Variants in DYM observed in about 807,000 individuals in gnomAD.
DYM encodes the protein dymeclin.
A neutral mutation model predicts 93.1 loss-of-function variants in DYM; 78 were observed. The ratio of observed to expected loss-of-function variants is 0.84; its 90% CI spans 0.70 to 1.01. DYM has a LOEUF of 1.01. DYM is among the 50% of genes least tolerant of loss of function. The pLI is 0.00. For synonymous variants in DYM, 321 were observed against 319.7 expected (o/e 1.00, Z -0.04); for missense variants, 789 against 845.0 (o/e 0.93, Z 0.82).
chr18:49,142,064 T>C (rs2084568652), intron 15 of DYM, among the ~76,000 whole-genome samples: 1 of 151,244 alleles, frequency 6.6e-6, no homozygotes, highest in East Asian at 1.9e-4. Flanking sequence ...GGTTTCACCA[T>C]GTTTGCCAGG....
intron 14 of DYM, among the ~76,000 whole-genome samples, chr18:49,190,625 G>A (rs531876800): frequency 2.0e-5 from 3 of 152,180 alleles, no homozygotes; most frequent in South Asian, 2.1e-4. Flanking sequence ...ATACAAGAAC[G>A]AACTTAAAAG....
intron 17 of DYM, among the ~76,000 whole-genome samples, chr18:49,051,443 C>T (rs1468779067): frequency 6.6e-6 from 1 of 152,152 alleles, no homozygotes; most frequent in African/African-American, 2.4e-5. Flanking sequence ...CCAATTCTGA[C>T]TAGGTGTGGT....
chr18:49,082,847 C>T (rs1468922733), intron 17 of DYM, among the ~76,000 whole-genome samples: 1 of 152,112 alleles, frequency 6.6e-6, no homozygotes, highest in Non-Finnish European at 1.5e-5. Context: ...TGCTGGGAGC[C>T]GACATTCTTG....
chr18:49,441,276 T>TTATATATATATATATAA (rs1568454725), intron 1 of DYM, among the ~76,000 whole-genome samples: 1 of 43,296 alleles, frequency 2.3e-5, no homozygotes, highest in African/African-American at 9.3e-5. Context: ...ATAATATATA[T>TTATATATATATATATAA]TATATAATTA....
chr18:49,427,217 C>T (rs148818218), intron 2 of DYM, among the ~76,000 whole-genome samples: 3 of 152,278 alleles, frequency 2.0e-5, no homozygotes, highest in African/African-American at 7.2e-5. Context: ...TTTTAAACCT[C>T]ATTTCCAATT....
intron 17 of DYM, among the ~76,000 whole-genome samples, chr18:49,070,487 C>A (rs1346283252): frequency 6.6e-6 from 1 of 152,198 alleles, no homozygotes; most frequent in Admixed American, 6.5e-5. Context: ...GGCCATTCTT[C>A]ATTTCACACT....
intron 11 of DYM, among the ~76,000 whole-genome samples, chr18:49,260,009 T>C (rs1049054252): frequency 6.6e-6 from 1 of 152,210 alleles, no homozygotes; most frequent in African/African-American, 2.4e-5. Context: ...TTCTGATTAG[T>C]ATATCTAGTG....
At chr18:49,113,693 T>G in intron 16 of DYM, among the ~76,000 whole-genome samples, 1 of 152,202 alleles carries the variant, frequency 6.6e-6, no homozygotes. Context: ...AAAGCTTGTT[T>G]AAGCCAAAAT....
chr18:49,195,283 C>G (rs1318871886), intron 14 of DYM, among the ~76,000 whole-genome samples: 2 of 152,132 alleles, frequency 1.3e-5, no homozygotes, highest in Non-Finnish European at 2.9e-5. Context: ...TGCATTATAA[C>G]TGTACATATT....
At chr18:49,260,450 A>C (rs552118697) in intron 11 of DYM, among the ~76,000 whole-genome samples, 15 of 152,242 alleles carry the variant, frequency 9.9e-5, no homozygotes, top group Non-Finnish European at 2.1e-4. Context: ...AGAAAAGTGC[A>C]GACGTCATAG....
At chr18:49,075,527 T>A (rs2077229068) in intron 17 of DYM, among the ~76,000 whole-genome samples, 1 of 151,940 alleles carries the variant, frequency 6.6e-6, no homozygotes, top group South Asian at 2.1e-4. Context: ...AAGGATTCAG[T>A]GAAGGATAAA....
At position 49,088,550 on chromosome 18, in the gene DYM, T is replaced by TA. The variant is rs200912955; in HGVS notation, c.2025+8851dup. The stretch of plus-strand genomic sequence containing the variant: ...CATTGTGCACATGTACCCTAGAACT[T>TA]AAAAAAAAAAAAAAAAAGGCCTAAC... On this transcript the variant is annotated intron_variant, in intron 17 of 17. Transcript: ENST00000675505. Among the ~76,000 whole-genome samples the TA allele has an allele frequency of 5.0e-3, 537 of 106,876 alleles. 3 individuals are homozygous for TA. Among genetic ancestry groups the TA allele is most frequent in the African/African-American group, 0.012 (355 of 28,622 alleles). 70.1% of individuals were successfully genotyped at this position (106,876 alleles called of 152,430 possible).
intron 10 of DYM, among the ~76,000 whole-genome samples, chr18:49,275,736 T>C (rs1221412897): frequency 6.6e-6 from 1 of 152,106 alleles, no homozygotes; most frequent in Non-Finnish European, 1.5e-5. Context: ...TATGTTGCAA[T>C]CAATGAATAT....
intron 6 of DYM, among the ~76,000 whole-genome samples, chr18:49,357,379 C>T (rs2065655328): frequency 6.6e-6 from 1 of 152,126 alleles, no homozygotes; most frequent in Non-Finnish European, 1.5e-5. Flanking sequence ...ATATAAAGCC[C>T]ATCGTCCCTA....
At chr18:49,214,283 C>A (rs1321965202) in intron 13 of DYM, among the ~76,000 whole-genome samples, 1 of 152,186 alleles carries the variant, frequency 6.6e-6, no homozygotes, top group Admixed American at 6.5e-5. Flanking sequence ...CTGAGCTCCG[C>A]CTCCTGTCAG....
Position 49,091,002 on chromosome 18 carries a change from C to T in DYM, c.2025+6400G>A, listed in dbSNP as rs200867357. ...ACTATTCCAACAAAGTGACCAAGAC[C>T]TCCAGTCTTAACTGAGCTTCTTTAT... On this transcript the variant is annotated intron_variant, in intron 17 of 17. Transcript: ENST00000675505. Among the ~76,000 whole-genome samples the T allele has an allele frequency of 1.1e-4, 16 of 152,262 alleles. No homozygotes were observed. The East Asian group carries it at 3.1e-3, about 29-fold the overall frequency.
intron 16 of DYM, among the ~76,000 whole-genome samples, chr18:49,112,756 A>T (rs1466403872): frequency 6.6e-6 from 1 of 152,074 alleles, no homozygotes; most frequent in Admixed American, 6.5e-5. Flanking sequence ...AAATATGCAT[A>T]CCCTGTAACC....
At chr18:49,268,895 C>T (rs991058878) in intron 11 of DYM, among the ~76,000 whole-genome samples, 1 of 151,832 alleles carries the variant, frequency 6.6e-6, no homozygotes, top group Non-Finnish European at 1.5e-5. Flanking sequence ...AAACAAGAAC[C>T]AAGAAATTTC....
At chr18:49,173,875 G>A (rs2089060197) in intron 14 of DYM, among the ~76,000 whole-genome samples, 1 of 152,030 alleles carries the variant, frequency 6.6e-6, no homozygotes, top group Non-Finnish European at 1.5e-5. Flanking sequence ...CACTGGCTAG[G>A]ACCTATAGTA....
Sources: gnomAD v4.1 joint callset for allele counts (sites outside exome capture counted in the v4.1 genomes callset) on GRCh38, gnomAD v4.1.1 for gene constraint, MANE v1.5 for transcripts, NCBI Gene and HGNC (gene_info 2026-07-23, HGNC 2026-07-21) for gene names.